The following SEC14L1 variants were observed in gnomAD, a reference collection of about 807,000 sequenced individuals.
SEC14L1 encodes the protein SEC14-like protein 1.
A neutral mutation model predicts 85.3 loss-of-function variants in SEC14L1; 48 were observed. The ratio of observed to expected loss-of-function variants is 0.56; its 90% confidence interval spans 0.45 to 0.72. SEC14L1 has a LOEUF of 0.72. Ranked by LOEUF, SEC14L1 falls within the 30% of genes least tolerant of loss-of-function variation. The pLI is 0.00. For missense variants in SEC14L1, 682 were observed against 921.4 expected (o/e 0.74, Z 3.36); for synonymous variants, 391 against 355.5 (o/e 1.10, Z -1.12).
chr17:77,128,329 G>A (rs930106221), intron 3 of SEC14L1, among the ~76,000 whole-genome samples: 5 of 152,116 alleles, frequency 3.3e-5, no homozygotes, highest in African/African-American at 7.2e-5. Flanking sequence ...AGGGGTGGGC[G>A]GGGGTGCAGA....
intron 3 of SEC14L1, among the ~76,000 whole-genome samples, chr17:77,184,971 T>C (rs1290838663): frequency 6.6e-6 from 1 of 152,210 alleles, no homozygotes; most frequent in African/African-American, 2.4e-5. Context: ...GTCTTTTCAT[T>C]TCCAGAACCC....
At chr17:77,179,643 T>A (rs942234645) in intron 3 of SEC14L1, among the ~76,000 whole-genome samples, 1 of 152,180 alleles carries the variant, frequency 6.6e-6, no homozygotes, top group African/African-American at 2.4e-5. Flanking sequence ...GTGTTTGATC[T>A]CAGAAATGTC....
At chr17:77,207,639 A>G (rs1291853487) in intron 13 of SEC14L1, among the ~76,000 whole-genome samples, 1 of 152,088 alleles carries the variant, frequency 6.6e-6, no homozygotes, top group Non-Finnish European at 1.5e-5. Context: ...TTTAGTAGAG[A>G]TGGGGTTTCA....
chr17:77,204,548 T>C, intron 10 of SEC14L1, among the ~76,000 whole-genome samples: 1 of 146,134 alleles, frequency 6.8e-6, no homozygotes, highest in African/African-American at 2.6e-5. Context: ...TTTTTTTTTT[T>C]TAAAGAGACA....
intron 3 of SEC14L1, among the ~76,000 whole-genome samples, chr17:77,119,042 GC>G (rs1043864019): frequency 9.2e-5 from 14 of 152,144 alleles, no homozygotes; most frequent in African/African-American, 4.8e-5. Context: ...GGGTACAGTG[GC>G]TCATGTCTGT....
intron 3 of SEC14L1, among the ~76,000 whole-genome samples, chr17:77,146,928 A>G (rs1279993574): frequency 6.6e-6 from 1 of 152,188 alleles, no homozygotes; most frequent in Admixed American, 6.5e-5. Context: ...GAGGAAAACT[A>G]ACAGTAAAAT....
intron 9 of SEC14L1, 147 bp from the exon 10 acceptor site, chr17:77,203,423 A>C: frequency 1.5e-6 from 1 of 672,590 alleles, no homozygotes; most frequent in East Asian, 2.9e-5. Context: ...CTATCACACA[A>C]ATCAGTTGCC....
At chr17:77,198,990 C>G (rs1275992812) in intron 8 of SEC14L1, 2 of 150,570 alleles carry the variant, frequency 1.3e-5, no homozygotes, top group Non-Finnish European at 2.9e-5. Flanking sequence ...CAAGTCTGCC[C>G]TTGCCGTCTT....
intron 2 of SEC14L1, among the ~76,000 whole-genome samples, chr17:77,090,477 A>G (rs1219223540): frequency 6.7e-6 from 1 of 149,262 alleles, no homozygotes; most frequent in African/African-American, 2.5e-5. Context: ...CAACATAGTA[A>G]GACCTCATTT....
Position 77,206,671 on chromosome 17 carries a change from A to G in SEC14L1, c.1342-57A>G. 1.3e-6 allele frequency: 2 copies of G among 1,554,872 alleles called. No homozygotes were observed. Among genetic ancestry groups the G allele is most frequent in the Non-Finnish European group, 8.7e-7 (1 of 1,151,972 alleles). On this transcript the variant is annotated intron_variant, in intron 12 of 16. Coordinates refer to ENST00000436233, the MANE Select transcript of SEC14L1 (RefSeq NM_001143998.2). The surrounding 1 kb of genome is among the most constrained non-coding windows in gnomAD (Gnocchi z 4.3). ...CTCAGAATACCACATTGTCATTTTA[A>G]TCTTGGACACTCAGGCAGCAGAGAA...
Position 77,214,091 on chromosome 17 carries a change from G to T in SEC14L1, c.*68G>T. ...CCTCCTCGGACAGCCAGCTGCACCC[G>T]CCCACCCAGCGGCGACATTGTACAG... On this transcript the variant is annotated 3_prime_UTR_variant, in exon 17 of 17. Coordinates refer to ENST00000436233, the MANE Select transcript of SEC14L1 (RefSeq NM_001143998.2). The T allele has an allele frequency of 1.9e-6, 3 of 1,564,284 alleles. No individual in the cohort carries two copies. In the East Asian group the frequency reaches 6.8e-5, roughly 35 times the overall value.
chr17:77,202,928 T>TAAAAAAAAAAA (rs1452299295), intron 9 of SEC14L1, among the ~76,000 whole-genome samples: 1 of 82,972 alleles, frequency 1.2e-5, no homozygotes, highest in African/African-American at 4.6e-5. Flanking sequence ...CTAAAAAAAA[T>TAAAAAAAAAAA]AAAAAAATAA....
intron 3 of SEC14L1, among the ~76,000 whole-genome samples, chr17:77,152,984 C>G (rs886203171): frequency 6.6e-6 from 1 of 152,130 alleles, no homozygotes; most frequent in Non-Finnish European, 1.5e-5. Context: ...TTTAATTGTT[C>G]CTTACAGCAA....
intron 13 of SEC14L1, among the ~76,000 whole-genome samples, chr17:77,208,480 G>C (rs957708714): frequency 6.6e-6 from 1 of 152,126 alleles, no homozygotes; most frequent in Non-Finnish European, 1.5e-5. Context: ...GTGTGTTTGC[G>C]GTGCTGAGCG....
Position 77,115,803 on chromosome 17 carries a change from A to G in SEC14L1, c.-136+22456A>G, listed in dbSNP as rs376715839. 1.1e-3 allele frequency among the ~76,000 whole-genome samples: 173 copies of G among 152,276 alleles called. 3 individuals are homozygous for G. The South Asian group carries it at 0.032, about 28-fold the overall frequency. ...GGGAGCTGTTTTCCAAGTATCTCAGAATACTTGGCAGGATGAAGCAAGAAG... is the reference window on the plus strand; with the variant it reads ...GGGAGCTGTTTTCCAAGTATCTCAGGATACTTGGCAGGATGAAGCAAGAAG... On this transcript the variant is annotated intron_variant, in intron 3 of 19. Transcript: ENST00000392476.
At chr17:77,180,000 ATTTTG>A (rs1012618456) in intron 3 of SEC14L1, among the ~76,000 whole-genome samples, 78 of 134,674 alleles carry the variant, frequency 5.8e-4, no homozygotes, top group African/African-American at 1.2e-3. Context: ...TTAGGTTTTT[ATTTTG>A]TTTTGTTTTG....
chr17:77,173,866 C>T (rs1974632060), intron 3 of SEC14L1, among the ~76,000 whole-genome samples: 1 of 151,856 alleles, frequency 6.6e-6, no homozygotes, highest in Non-Finnish European at 1.5e-5. Flanking sequence ...TGAGGCTCAA[C>T]CTCTCTTACT....
chr17:77,185,132 G>GT (rs1975210312), intron 3 of SEC14L1: 4 of 801,502 alleles, frequency 5.0e-6, no homozygotes, highest in Non-Finnish European at 6.0e-6. Context: ...TTCAAAACAT[G>GT]TTTTTTGGAC....
chr17:77,172,962 C>G (rs1974586224), intron 3 of SEC14L1, among the ~76,000 whole-genome samples: 1 of 152,214 alleles, frequency 6.6e-6, no homozygotes, highest in Non-Finnish European at 1.5e-5. Flanking sequence ...GGGGGATGCT[C>G]ACGTTCCCAA....
Sources: gnomAD v4.1 joint callset for allele counts (sites outside exome capture counted in the v4.1 genomes callset) on GRCh38, gnomAD v4.1.1 for gene constraint, Gnocchi (gnomAD v3.1) non-coding constraint, MANE v1.5 for transcripts, NCBI Gene and HGNC (gene_info 2026-07-23, HGNC 2026-07-21) for gene names.